The following REG4 variants were observed in gnomAD, a reference collection of about 807,000 sequenced individuals.
The protein encoded by REG4 is regenerating islet-derived protein 4.
A neutral mutation model predicts 22.3 loss-of-function variants in REG4; 16 were observed. The observed-to-expected ratio is 0.72, with a 90% confidence interval of 0.49 to 1.09. REG4 has a LOEUF of 1.09. Ranked by LOEUF, REG4 falls within the 50% of genes least tolerant of loss-of-function variation. REG4 has a pLI of 0.00. For synonymous variants in REG4, 71 were observed against 69.2 expected (o/e 1.03, Z -0.13); for missense variants, 214 against 193.9 (o/e 1.10, Z -0.61).
intron 1 of REG4, among the ~76,000 whole-genome samples, chr1:119,810,109 TTATTA>T (rs1654453089): frequency 6.6e-6 from 1 of 152,142 alleles, no homozygotes; most frequent in Admixed American, 6.5e-5. Flanking sequence ...TTTCTCTTAC[TTATTA>T]TAATTTTTGC....
Position 119,799,788 on chromosome 1 carries a change from T to C in REG4, c.240A>G (p.Ala80=). Residue 80 remains alanine (A), a synonymous_variant, in exon 4 of 6, where the codon GCA becomes GCG. Coordinates refer to ENST00000256585, the MANE Select transcript of REG4 (RefSeq NM_032044.4). ...ILSLKEASTI[A]EYISGYQRSQ... ...TTCTCTGATAGCCACTTATGTACTCTGCTATGGTGCTGGCTTCCTTTAAAC... is the reference window on the plus strand; with the variant it reads ...TTCTCTGATAGCCACTTATGTACTCCGCTATGGTGCTGGCTTCCTTTAAAC... 6.2e-7 allele frequency: 1 copy of C among 1,614,188 alleles called. No individual in the cohort carries two copies. The highest frequency in any genetic ancestry group is 8.5e-7 in the Non-Finnish European group (1 of 1,180,040).
At chr1:119,804,931 G>C (rs1414972438) in intron 2 of REG4, among the ~76,000 whole-genome samples, 1 of 152,050 alleles carries the variant, frequency 6.6e-6, no homozygotes, top group African/African-American at 2.4e-5. Context: ...CACCATGTTA[G>C]GTGTTTTATC....
intron 3 of REG4, chr1:119,801,154 G>A (rs1442452649): frequency 2.0e-5 from 3 of 152,014 alleles, no homozygotes; most frequent in Non-Finnish European, 2.9e-5. Flanking sequence ...AATTAAACAC[G>A]GCAAATGTTT....
chr1:119,799,664 C>T, intron 4 of REG4, 61 bp downstream of exon 4: 1 of 1,589,836 alleles, frequency 6.3e-7, no homozygotes, highest in South Asian at 1.1e-5. Context: ...GGCCATTCCC[C>T]AAAAAGAGGA....
intron 2 of REG4, among the ~76,000 whole-genome samples, chr1:119,803,976 C>T (rs961977207): frequency 6.6e-6 from 1 of 152,156 alleles, no homozygotes; most frequent in Non-Finnish European, 1.5e-5. Flanking sequence ...GCAAAGGAAT[C>T]CATGATTCAG....
intron 1 of REG4, among the ~76,000 whole-genome samples, chr1:119,810,914 C>A (rs997081707): frequency 6.6e-6 from 1 of 151,888 alleles, no homozygotes; most frequent in East Asian, 1.9e-4. Context: ...ATTAGCTGGG[C>A]GTGGTGGCAA....
Position 119,794,234 on chromosome 1 carries a change from G to C in REG4, c.*384C>G, listed in dbSNP as rs41306173. The C allele has an allele frequency of 7.2e-3, 3,927 of 542,078 alleles. 23 individuals are homozygous for C. Among genetic ancestry groups the C allele is most frequent in the Non-Finnish European group, 0.011 (2,853 of 266,060 alleles). 33.6% of individuals were successfully genotyped at this position (542,078 alleles called of 1,614,324 possible). ...GCAGGCAATGGAGAGAGGGCAGAAG[G>C]GTGTAGAAGCTGAAGGGGTCTAGAA... On this transcript the variant is annotated 3_prime_UTR_variant, in exon 6 of 6. Coordinates refer to ENST00000256585, the MANE Select transcript of REG4 (RefSeq NM_032044.4).
intron 2 of REG4, among the ~76,000 whole-genome samples, chr1:119,804,189 G>A (rs1654217040): frequency 6.6e-6 from 1 of 152,168 alleles, no homozygotes. Flanking sequence ...CCATAAGGGA[G>A]GTCCACAGAC....
chr1:119,799,649 C>T (rs951503252), intron 4 of REG4, 76 bp downstream of exon 4: 56 of 1,561,736 alleles, frequency 3.6e-5, no homozygotes, highest in East Asian at 2.0e-4. Context: ...TGTTATAGGC[C>T]GGGAGGCCAT....
intron 2 of REG4, among the ~76,000 whole-genome samples, chr1:119,805,846 C>T (rs1654296161): frequency 6.6e-6 from 1 of 152,116 alleles, no homozygotes; most frequent in African/African-American, 2.4e-5. Context: ...TCCCCTCTGC[C>T]CCACACTCTG....
At chr1:119,804,545 C>G (rs1654232110) in intron 2 of REG4, among the ~76,000 whole-genome samples, 1 of 152,172 alleles carries the variant, frequency 6.6e-6, no homozygotes, top group Admixed American at 6.5e-5. Context: ...GTGAGTATGT[C>G]AAATATACTA....
chr1:119,798,629 T>C (rs1446980809), intron 4 of REG4, 27 bp from the exon 5 acceptor site: 8 of 1,595,108 alleles, frequency 5.0e-6, no homozygotes. Flanking sequence ...TGGAGAAGTG[T>C]ACAGCTCAGC....
intron 3 of REG4, chr1:119,802,302 C>T: frequency 1.0e-6 from 1 of 977,920 alleles, no homozygotes; most frequent in Non-Finnish European, 1.2e-6. Flanking sequence ...TAATCCTGGG[C>T]TTTCTAAGGC....
In REG4 at chr1:119,803,181, A is replaced by G. The variant is rs781630437; in HGVS notation, c.68-16T>C. ...ATGATGATATCTGCACATAAACAAAAGGCAATTGCACATTATGATAGCAAA... is the reference window on the plus strand; with the variant it reads ...ATGATGATATCTGCACATAAACAAAGGGCAATTGCACATTATGATAGCAAA... On this transcript the variant is annotated splice_polypyrimidine_tract_variant and intron_variant, in intron 2 of 5. Transcript: ENST00000256585. 3 of 1,506,336 alleles carry G rather than the reference A, an allele frequency of 2.0e-6. No homozygotes were observed. The highest frequency in any genetic ancestry group is 4.7e-5 in the Admixed American group (2 of 42,778). 93.3% of individuals were successfully genotyped at this position (1,506,336 alleles called of 1,614,324 possible).
chr1:119,794,065 T>C lies in REG4; in HGVS notation c.*553A>G, dbSNP rs1653853354. On this transcript the variant is annotated 3_prime_UTR_variant, in exon 6 of 6. Coordinates refer to ENST00000256585, the MANE Select transcript of REG4 (RefSeq NM_032044.4). Reference sequence around the variant, plus strand: ...TTCACTTTTCCACATTCACCATTACTGAACTGGAACACAGCAACCTCTTAT... The same window carrying C: ...TTCACTTTTCCACATTCACCATTACCGAACTGGAACACAGCAACCTCTTAT... The C allele has an allele frequency of 1.9e-6, 1 of 523,752 alleles. No individual in the cohort carries two copies. Among genetic ancestry groups the C allele is most frequent in the Admixed American group, 2.0e-5 (1 of 51,258 alleles). The allele number at this position is 523,752 out of a possible 1,614,324, so 32.4% of individuals were successfully genotyped here. A position where few individuals can be genotyped will look rare whatever the true frequency, so the allele number is the denominator to read the frequency against.
intron 3 of REG4, chr1:119,801,184 T>C (rs1361297063): frequency 6.6e-6 from 1 of 152,242 alleles, no homozygotes; most frequent in Admixed American, 6.5e-5. Context: ...GGTGTATGTA[T>C]ATAAACTTTA....
chr1:119,798,602 T>C lies in REG4; in HGVS notation c.304A>G (p.Arg102Gly). 6.2e-7 allele frequency: 1 copy of C among 1,613,858 alleles called. No individual in the cohort carries two copies. Among genetic ancestry groups the C allele is most frequent in the Non-Finnish European group, 8.5e-7 (1 of 1,179,742 alleles). ...IWIGLHDPQK[R>G]QQWQWIDGAM... ...CCATCAATCCACTGCCACTGCTGCCTCTGCAACAACAGGAGATGGAGAAGT... is the reference window on the plus strand; with the variant it reads ...CCATCAATCCACTGCCACTGCTGCCCCTGCAACAACAGGAGATGGAGAAGT... Residue 102 changes from arginine (R) to glycine (G), a missense_variant and splice_region_variant, in exon 5 of 6, where the codon AGG (arginine) becomes GGG (glycine). Transcript: ENST00000256585.
intron 2 of REG4, among the ~76,000 whole-genome samples, chr1:119,806,098 G>GT (rs1245819060): frequency 1.3e-5 from 2 of 152,116 alleles, no homozygotes; most frequent in African/African-American, 2.4e-5. Context: ...TACCAGGCTA[G>GT]TTTTTTGTAC....
intron 4 of REG4, among the ~76,000 whole-genome samples, chr1:119,799,496 G>C (rs1654034085): frequency 6.6e-6 from 1 of 152,054 alleles, no homozygotes; most frequent in South Asian, 2.1e-4. Context: ...CCATTCAGGA[G>C]GGCCTTAATT....
Sources: gnomAD v4.1 joint callset for allele counts (sites outside exome capture counted in the v4.1 genomes callset) on GRCh38, gnomAD v4.1.1 for gene constraint, MANE v1.5 for transcripts, NCBI Gene and HGNC (gene_info 2026-07-23, HGNC 2026-07-21) for gene names.